MAP3K7CL: variants seen among roughly 807,000 people sequenced by gnomAD.
MAP3K7CL encodes the protein MAP3K7 C-terminal like.
Under a neutral mutation model 18.6 loss-of-function variants are expected in MAP3K7CL, and 16 were observed. The observed-to-expected ratio is 0.86, with a 90% CI of 0.58 to 1.31. The LOEUF (loss-of-function observed/expected upper bound fraction) is 1.31, where lower values mean the gene tolerates loss of function less well. MAP3K7CL is among the 50% of genes most tolerant of loss of function. MAP3K7CL has a pLI of 0.00. For synonymous variants in MAP3K7CL, 65 were observed against 66.8 expected (o/e 0.97, Z 0.13); for missense variants, 163 against 174.4 (o/e 0.93, Z 0.37).
At chr21:29,093,957 G>A (rs997854512) in intron 4 of MAP3K7CL, among the ~76,000 whole-genome samples, 1 of 152,218 alleles carries the variant, frequency 6.6e-6, no homozygotes, top group African/African-American at 2.4e-5. Context: ...ATATGTGAAA[G>A]TGCTTTGTAA....
chr21:29,151,814 A>G (rs1028305200), intron 3 of MAP3K7CL, among the ~76,000 whole-genome samples: 2 of 152,216 alleles, frequency 1.3e-5, no homozygotes, highest in Non-Finnish European at 2.9e-5. Flanking sequence ...TTATCCAGAT[A>G]ATTTTTCTGT....
intron 4 of MAP3K7CL, chr21:29,109,543 T>C: frequency 9.6e-7 from 1 of 1,038,408 alleles, no homozygotes; most frequent in Non-Finnish European, 1.2e-6. Context: ...CCATAAGTAC[T>C]TTACTCTACT....
intron 2 of MAP3K7CL, among the ~76,000 whole-genome samples, chr21:29,135,050 C>CAAAAAAA (rs147529791): frequency 1.7e-5 from 2 of 118,264 alleles, no homozygotes; most frequent in African/African-American, 6.0e-5. Context: ...GACTCCATCT[C>CAAAAAAA]AAAAAAAAAA....
intron 4 of MAP3K7CL, among the ~76,000 whole-genome samples, chr21:29,168,854 G>A (rs1166827222): frequency 2.0e-5 from 3 of 152,202 alleles, no homozygotes; most frequent in Admixed American, 6.5e-5. Flanking sequence ...CTTTTAAGTA[G>A]GTTTCCCTTG....
At chr21:29,095,502 A>G (rs2086107253) in intron 4 of MAP3K7CL, among the ~76,000 whole-genome samples, 1 of 152,218 alleles carries the variant, frequency 6.6e-6, no homozygotes, top group Non-Finnish European at 1.5e-5. Flanking sequence ...GTAGAAGAGA[A>G]TAAAGACCTG....
At chr21:29,143,231 G>A (rs1424078533) in intron 2 of MAP3K7CL, among the ~76,000 whole-genome samples, 1 of 152,156 alleles carries the variant, frequency 6.6e-6, no homozygotes, top group African/African-American at 2.4e-5. Context: ...TGGAGGGCGG[G>A]CTCTGTGTGA....
chr21:29,126,649 G>C (rs1183972206), upstream of MAP3K7CL, among the ~76,000 whole-genome samples: 1 of 152,068 alleles, frequency 6.6e-6, no homozygotes, highest in Admixed American at 6.6e-5. Flanking sequence ...AGTAGAGACG[G>C]GGTCTTACCA....
chr21:29,092,468 T>C (rs1422364564), exon 4 of MAP3K7CL: 11 of 1,614,124 alleles, frequency 6.8e-6, no homozygotes, highest in African/African-American at 1.3e-5. Context: ...GCAACAAGTT[T>C]GGCCATGTTG....
At chr21:29,153,870 A>G (rs1052920330) in intron 3 of MAP3K7CL, among the ~76,000 whole-genome samples, 1 of 152,214 alleles carries the variant, frequency 6.6e-6, no homozygotes, top group African/African-American at 2.4e-5. Flanking sequence ...TTACTGCTTA[A>G]GCATGTTATG....
At chr21:29,154,103 C>T (rs1037798730) in intron 3 of MAP3K7CL, among the ~76,000 whole-genome samples, 8 of 152,174 alleles carry the variant, frequency 5.3e-5, no homozygotes, top group African/African-American at 1.9e-4. Flanking sequence ...TGAAAGCTCA[C>T]TTTCCTCAAC....
At chr21:29,161,868 A>T (rs1200083010) in intron 4 of MAP3K7CL, among the ~76,000 whole-genome samples, 1 of 152,204 alleles carries the variant, frequency 6.6e-6, no homozygotes, top group Non-Finnish European at 1.5e-5. Flanking sequence ...GCAAAACCTC[A>T]GTTAGTACCT....
At chr21:29,128,035 GACTGCCTTGGCAATGT>G (rs2146610366), upstream of MAP3K7CL, 1 of 152,378 alleles carries the variant, frequency 6.6e-6, no homozygotes, top group African/African-American at 2.4e-5. Flanking sequence ...TCCAGTCACT[GACTGCCTTGGCAATGT>G]CAGTGTCACC....
At chr21:29,089,460 C>G (rs2085984951) in intron 1 of MAP3K7CL, among the ~76,000 whole-genome samples, 1 of 151,992 alleles carries the variant, frequency 6.6e-6, no homozygotes, top group Non-Finnish European at 1.5e-5. Flanking sequence ...GTGAACTGGC[C>G]CAGAAAAAAT....
intron 4 of MAP3K7CL, among the ~76,000 whole-genome samples, chr21:29,168,256 T>A (rs1307565117): frequency 1.3e-5 from 2 of 152,246 alleles, no homozygotes; most frequent in Admixed American, 6.5e-5. Context: ...TTTCCTATGA[T>A]GTCTGATATG....
At chr21:29,104,727 C>T (rs61498319) in intron 4 of MAP3K7CL, among the ~76,000 whole-genome samples, 11 of 152,314 alleles carry the variant, frequency 7.2e-5, no homozygotes, top group African/African-American at 2.6e-4. Context: ...TTACAGCACT[C>T]CAGGAAGCAT....
At chr21:29,085,976 A>T in intron 1 of MAP3K7CL, 1 of 1,578,952 alleles carries the variant, frequency 6.3e-7, no homozygotes, top group Non-Finnish European at 8.7e-7. Flanking sequence ...TCCTGTTTTC[A>T]GTGAAAACAG....
chr21:29,159,225 C>A (rs1266184925), intron 3 of MAP3K7CL, among the ~76,000 whole-genome samples: 1 of 152,150 alleles, frequency 6.6e-6, no homozygotes, highest in African/African-American at 2.4e-5. Flanking sequence ...GAAAAATAAA[C>A]TTGGGGAAAA....
At chr21:29,110,013 A>G (rs1196315882) in intron 4 of MAP3K7CL, among the ~76,000 whole-genome samples, 1 of 152,210 alleles carries the variant, frequency 6.6e-6, no homozygotes, top group Non-Finnish European at 1.5e-5. Context: ...GTATAAAGTG[A>G]TATGATACTG....
chr21:29,106,641 A>G (rs956913360), intron 4 of MAP3K7CL, among the ~76,000 whole-genome samples: 1 of 152,200 alleles, frequency 6.6e-6, no homozygotes, highest in African/African-American at 2.4e-5. Flanking sequence ...AGGATCAGAC[A>G]TGAGTTCAGT....
Sources: allele counts gnomAD v4.1 joint callset (sites outside exome capture counted in the v4.1 genomes callset), GRCh38; gene constraint gnomAD v4.1.1; transcripts MANE v1.5; gene names NCBI Gene and HGNC (gene_info 2026-07-23, HGNC 2026-07-21).